The following SEMA5B variants were observed in gnomAD, a reference collection of about 807,000 sequenced individuals.
SEMA5B encodes the protein semaphorin-5B.
A neutral mutation model predicts 135.0 loss-of-function variants in SEMA5B; 66 were observed. That is an observed-to-expected ratio of 0.49 (90% CI 0.40 to 0.60). SEMA5B has a LOEUF of 0.60. SEMA5B is among the 20% of genes least tolerant of loss of function. The probability of loss-of-function intolerance (pLI) is 0.00; values close to 1 mark genes in which losing one functional copy is unlikely to be tolerated. For synonymous variants in SEMA5B, 690 were observed against 639.5 expected, an observed-to-expected ratio of 1.08 and a Z score of -1.19; for missense variants, 1,501 against 1,566.3, an observed-to-expected ratio of 0.96 and a Z score of 0.70.
chr3:122,911,139 C>G (rs1045197853), intron 21 of SEMA5B, 94 bp from the exon 22 acceptor site: 12 of 1,174,504 alleles, frequency 1.0e-5, no homozygotes, highest in African/African-American at 1.5e-5. Flanking sequence ...CAACAGGAGG[C>G]TCTGAGGCAT....
intron 1 of SEMA5B, among the ~76,000 whole-genome samples, chr3:123,008,947 C>T (rs557847532): frequency 7.2e-4 from 110 of 152,302 alleles, no homozygotes; most frequent in African/African-American, 2.5e-3. Context: ...AAGAGCAGTG[C>T]CCTGCCTCCC....
In SEMA5B at chr3:122,926,418, G is replaced by A. The variant is rs533981583; in HGVS notation, c.1110C>T (p.Leu370=). The A allele has an allele frequency of 1.9e-6, 3 of 1,613,812 alleles. No homozygotes were observed. The East Asian group carries it at 6.7e-5, about 36-fold the overall frequency. Residue 370 remains leucine, a synonymous_variant, in exon 9 of 23, where the codon CTC becomes CTT. Coordinates refer to ENST00000357599, the MANE Select transcript of SEMA5B (RefSeq NM_001031702.4). ...QSAFHLPEQD[L]IYGVFTTNVN... is the part of the protein sequence containing the mutation. ...CGTTGGTTGTGAAAACTCCATAGAT[G>A]AGGTCCTGCTCCGGCAAGTGGAAGG...
At chr3:123,009,235 A>C (rs1942383186) in intron 1 of SEMA5B, among the ~76,000 whole-genome samples, 1 of 152,150 alleles carries the variant, frequency 6.6e-6, no homozygotes, top group Non-Finnish European at 1.5e-5. Context: ...TTCTCAGTGC[A>C]GGGAGCGGGG....
chr3:122,996,213 C>T (rs540828956), intron 1 of SEMA5B, among the ~76,000 whole-genome samples: 36 of 152,252 alleles, frequency 2.4e-4, no homozygotes, highest in Non-Finnish European at 3.7e-4. Flanking sequence ...GGTTGCAGGT[C>T]CCACAACAGA....
chr3:123,027,776 G>C (rs1942839145), upstream of SEMA5B: 1 of 152,368 alleles, frequency 6.6e-6, no homozygotes, highest in Admixed American at 6.5e-5. Context: ...GGAGACCGCG[G>C]GAGCAGAAGG....
chr3:122,970,949 A>C (rs1941087208), intron 1 of SEMA5B, among the ~76,000 whole-genome samples: 2 of 152,348 alleles, frequency 1.3e-5, no homozygotes, highest in South Asian at 4.1e-4. Context: ...TTTGTCCATC[A>C]GGGGCATTTC....
At chr3:122,986,900 G>T (rs1029523902) in intron 1 of SEMA5B, among the ~76,000 whole-genome samples, 3 of 152,198 alleles carry the variant, frequency 2.0e-5, no homozygotes, top group Admixed American at 2.0e-4. Flanking sequence ...GAGTTTAGGA[G>T]GGCCCGGCCG....
chr3:122,947,843 C>G (rs553406151), intron 3 of SEMA5B, among the ~76,000 whole-genome samples: 2 of 150,918 alleles, frequency 1.3e-5, no homozygotes, highest in Non-Finnish European at 2.9e-5. Flanking sequence ...ACAACCATGA[C>G]CCCCCCCAAA....
chr3:122,988,936 G>A (rs1177308652), intron 1 of SEMA5B, among the ~76,000 whole-genome samples: 1 of 152,202 alleles, frequency 6.6e-6, no homozygotes, highest in African/African-American at 2.4e-5. Flanking sequence ...TTCTGCTCTG[G>A]AGAAGCAGGC....
At chr3:122,995,003 G>A (rs1941992628) in intron 1 of SEMA5B, among the ~76,000 whole-genome samples, 1 of 152,194 alleles carries the variant, frequency 6.6e-6, no homozygotes. Context: ...GAGCTGAGAG[G>A]GGTGTTTAGC....
intron 1 of SEMA5B, among the ~76,000 whole-genome samples, chr3:123,005,083 T>C (rs1942273519): frequency 6.6e-6 from 1 of 152,174 alleles, no homozygotes; most frequent in Non-Finnish European, 1.5e-5. Flanking sequence ...GCAGAAGCCC[T>C]GAGCACTCAC....
chr3:122,933,443 A>G (rs933966291), intron 5 of SEMA5B, among the ~76,000 whole-genome samples: 4 of 151,896 alleles, frequency 2.6e-5, no homozygotes, highest in African/African-American at 7.3e-5. Context: ...CTCTGATGAC[A>G]TTTTCTTTTT....
chr3:122,924,388 C>A (rs1346598584), intron 9 of SEMA5B, among the ~76,000 whole-genome samples: 3 of 152,196 alleles, frequency 2.0e-5, no homozygotes, highest in African/African-American at 7.2e-5. Flanking sequence ...CCATTTCTCT[C>A]CACCTCTGCC....
At chr3:123,021,035 T>TAGCACTTTAGCAC (rs1252201550) in intron 1 of SEMA5B, among the ~76,000 whole-genome samples, 1 of 152,254 alleles carries the variant, frequency 6.6e-6, no homozygotes, top group Non-Finnish European at 1.5e-5. Flanking sequence ...AAGTGCTCTT[T>TAGCACTTTAGCAC]AGACCTTGCC....
At chr3:122,935,686 CTTTTTTTTTTTT>C (rs147968317) in intron 5 of SEMA5B, among the ~76,000 whole-genome samples, 17 of 70,262 alleles carry the variant, frequency 2.4e-4, no homozygotes, top group Non-Finnish European at 3.5e-4. Context: ...TTCTTTCTTT[CTTTTTTTTTTTT>C]TTTTTTTTTT....
At chr3:122,952,469 T>C (rs10934625) in intron 2 of SEMA5B, among the ~76,000 whole-genome samples, 27,664 of 152,158 alleles carry the variant, frequency 0.18, 3,398 homozygotes, top group African/African-American at 0.34. Flanking sequence ...CACTTAACCT[T>C]TCTCTGCCTT....
In SEMA5B at chr3:123,027,748, C is replaced by G. The variant is rs1366671599; in HGVS notation, c.-323G>C. 3 of 151,978 alleles carry G rather than the reference C, an allele frequency of 2.0e-5. No homozygotes were observed. Among genetic ancestry groups the G allele is most frequent in the Non-Finnish European group, 4.4e-5 (3 of 67,974 alleles). 9.4% of individuals were successfully genotyped at this position (151,978 alleles called of 1,614,324 possible). On this transcript the variant is annotated 5_prime_UTR_variant, in exon 1 of 23. Transcript: ENST00000357599. ...TCCAACTAGCTCCCGACCCGGCGCT[C>G]GGAGAGAGCAGGGAGGAGGAGACCG...
At chr3:122,932,897 A>C (rs1939053948) in intron 5 of SEMA5B, among the ~76,000 whole-genome samples, 1 of 152,004 alleles carries the variant, frequency 6.6e-6, no homozygotes, top group Admixed American at 6.5e-5. Context: ...TTTTAAAATT[A>C]TCTGTACACA....
chr3:123,004,532 G>C (rs1402942938), intron 1 of SEMA5B, among the ~76,000 whole-genome samples: 1 of 152,188 alleles, frequency 6.6e-6, no homozygotes, highest in Non-Finnish European at 1.5e-5. Flanking sequence ...ACATTTTATA[G>C]AGAACCACAA....
Sources: allele counts gnomAD v4.1 joint callset (sites outside exome capture counted in the v4.1 genomes callset), GRCh38; gene constraint gnomAD v4.1.1; transcripts MANE v1.5; gene names NCBI Gene and HGNC (gene_info 2026-07-23, HGNC 2026-07-21).